Variants in DCC observed in about 807,000 individuals in gnomAD.
DCC encodes the protein DCC netrin 1 receptor.
In DCC, 58 loss-of-function variants were observed where a neutral mutation model predicts 172.5. The observed-to-expected ratio is 0.34, with a 90% confidence interval of 0.27 to 0.42. The LOEUF (loss-of-function observed/expected upper bound fraction) is 0.42, where lower values mean the gene tolerates loss of function less well. Ranked by LOEUF, DCC falls within the 10% of genes least tolerant of loss-of-function variation. The pLI is 1.00. For synonymous variants in DCC, 709 were observed against 644.5 expected (o/e 1.10, Z -1.52); for missense variants, 1,740 against 1,791.0 (o/e 0.97, Z 0.51).
At chr18:52,482,204 A>G (rs909420758) in intron 1 of DCC, among the ~76,000 whole-genome samples, 1 of 152,174 alleles carries the variant, frequency 6.6e-6, no homozygotes, top group Non-Finnish European at 1.5e-5. Context: ...GAGTTGTATC[A>G]TAATTTTGAT....
chr18:53,420,476 T>C (rs1910582561), intron 21 of DCC, among the ~76,000 whole-genome samples: 1 of 152,150 alleles, frequency 6.6e-6, no homozygotes, highest in Non-Finnish European at 1.5e-5. Flanking sequence ...AAACGCTATA[T>C]ACTGGGTGGG....
chr18:52,526,319 T>C lies in DCC; in HGVS notation c.91+185441T>C, dbSNP rs1404812421. Among the ~76,000 whole-genome samples, 3 of 152,114 alleles carry C rather than the reference T, an allele frequency of 2.0e-5. No homozygotes were observed. The East Asian group carries it at 5.8e-4, about 29-fold the overall frequency. On this transcript the variant is annotated intron_variant, in intron 1 of 28. Transcript: ENST00000442544. ...ATGGCCAATGGCCTTGCAATGAGAATATTGAGTATGGTGAATTATTAGCTG... is the reference window on the plus strand; with the variant it reads ...ATGGCCAATGGCCTTGCAATGAGAACATTGAGTATGGTGAATTATTAGCTG...
At chr18:53,021,122 T>G (rs757395517) in intron 5 of DCC, among the ~76,000 whole-genome samples, 2 of 152,140 alleles carry the variant, frequency 1.3e-5, no homozygotes, top group Non-Finnish European at 2.9e-5. Flanking sequence ...GGGCACTTGC[T>G]GAGACAGTCC....
intron 1 of DCC, among the ~76,000 whole-genome samples, chr18:52,730,130 A>G (rs565451996): frequency 1.3e-5 from 2 of 152,324 alleles, no homozygotes; most frequent in South Asian, 2.1e-4. Flanking sequence ...ACCTATGATT[A>G]TGTAAGAGTA....
At chr18:53,392,267 C>T (rs760459761) in intron 17 of DCC, among the ~76,000 whole-genome samples, 11 of 151,522 alleles carry the variant, frequency 7.3e-5, no homozygotes, top group Admixed American at 1.3e-4. Flanking sequence ...ATTTACAAAG[C>T]GACCCTATTA....
intron 1 of DCC, among the ~76,000 whole-genome samples, chr18:52,538,716 T>A (rs2032353812): frequency 6.6e-6 from 1 of 152,152 alleles, no homozygotes. Context: ...CCTACTACAG[T>A]GTCCTGCTTT....
intron 7 of DCC, among the ~76,000 whole-genome samples, chr18:53,106,988 CAT>C (rs2043258055): frequency 6.6e-6 from 1 of 151,890 alleles, no homozygotes; most frequent in Non-Finnish European, 1.5e-5. Flanking sequence ...GTTCTTAAGA[CAT>C]AGGGACATCA....
At chr18:53,015,069 A>G (rs926762516) in intron 5 of DCC, among the ~76,000 whole-genome samples, 1 of 152,206 alleles carries the variant, frequency 6.6e-6, no homozygotes, top group Non-Finnish European at 1.5e-5. Context: ...TAGAAGTTTG[A>G]TAAGTGAGAG....
chr18:52,869,273 A>G (rs1434062542), intron 2 of DCC, among the ~76,000 whole-genome samples: 1 of 152,248 alleles, frequency 6.6e-6, no homozygotes, highest in East Asian at 1.9e-4. Context: ...AAAAGCTCAG[A>G]GGAGACCCAC....
At chr18:53,444,010 A>G (rs1912443117) in intron 22 of DCC, among the ~76,000 whole-genome samples, 1 of 152,266 alleles carries the variant, frequency 6.6e-6, no homozygotes, top group Admixed American at 6.5e-5. Flanking sequence ...ATTCATTGAG[A>G]TGAAATCTAC....
At chr18:53,347,593 G>T (rs1599048138) in intron 15 of DCC, among the ~76,000 whole-genome samples, 2 of 152,238 alleles carry the variant, frequency 1.3e-5, no homozygotes, top group East Asian at 3.9e-4. Flanking sequence ...TGTGTTAGAG[G>T]AACTAAAAAT....
Position 52,731,458 on chromosome 18 carries a change from A to T in DCC, c.92-20596A>T, listed in dbSNP as rs991397437. On this transcript the variant is annotated intron_variant, in intron 1 of 28. Transcript: ENST00000442544. Reference sequence around the variant, plus strand: ...GGTTACAAAACAGATATTCAGTCACATGACAGAGACCTTGCCTATGAAGTG... The same window carrying T: ...GGTTACAAAACAGATATTCAGTCACTTGACAGAGACCTTGCCTATGAAGTG... Among the ~76,000 whole-genome samples the T allele has an allele frequency of 3.3e-5, 5 of 152,376 alleles. No individual in the cohort carries two copies. In the South Asian group the frequency reaches 1.0e-3, roughly 32 times the overall value.
chr18:52,844,255 C>A (rs2038850250), intron 2 of DCC, among the ~76,000 whole-genome samples: 1 of 152,082 alleles, frequency 6.6e-6, no homozygotes, highest in Admixed American at 6.6e-5. Context: ...GCAAATGCAT[C>A]ATTAGATGAA....
intron 1 of DCC, among the ~76,000 whole-genome samples, chr18:52,446,262 C>T (rs562551086): frequency 5.6e-4 from 86 of 152,300 alleles, no homozygotes; most frequent in African/African-American, 1.9e-3. Context: ...TTTGCCTGTA[C>T]ATGGCAGGTT....
At chr18:52,894,641 T>C (rs1307173747) in intron 2 of DCC, among the ~76,000 whole-genome samples, 1 of 151,748 alleles carries the variant, frequency 6.6e-6, no homozygotes, top group Non-Finnish European at 1.5e-5. Flanking sequence ...CCAGGAGACA[T>C]GATGGTATAG....
At chr18:53,447,154 C>G (rs1445980549) in intron 22 of DCC, among the ~76,000 whole-genome samples, 1 of 152,188 alleles carries the variant, frequency 6.6e-6, no homozygotes, top group African/African-American at 2.4e-5. Context: ...TGTGTTTCCT[C>G]TAGAAGTAAT....
intron 1 of DCC, among the ~76,000 whole-genome samples, chr18:52,693,928 T>C (rs1022224034): frequency 6.6e-6 from 1 of 152,160 alleles, no homozygotes; most frequent in Non-Finnish European, 1.5e-5. Flanking sequence ...TTCTTATAGA[T>C]ATATTCCAAA....
intron 11 of DCC, among the ~76,000 whole-genome samples, chr18:53,213,476 C>T (rs891165894): frequency 2.0e-5 from 3 of 151,492 alleles, no homozygotes; most frequent in Non-Finnish European, 2.9e-5. Context: ...GGTGAAACCC[C>T]GTCTCTACTA....
At chr18:53,295,468 A>G (rs2057055656) in intron 12 of DCC, among the ~76,000 whole-genome samples, 1 of 152,158 alleles carries the variant, frequency 6.6e-6, no homozygotes, top group Non-Finnish European at 1.5e-5. Flanking sequence ...GAATTTTTTC[A>G]TAGATATTTA....
Sources: gnomAD v4.1 joint callset for allele counts (sites outside exome capture counted in the v4.1 genomes callset) on GRCh38, gnomAD v4.1.1 for gene constraint, MANE v1.5 for transcripts, NCBI Gene and HGNC (gene_info 2026-07-23, HGNC 2026-07-21) for gene names.